Variants in ADGRV1 observed in about 807,000 individuals in gnomAD.
The protein encoded by ADGRV1 is G-protein coupled receptor 98.
Under a neutral mutation model 596.2 loss-of-function variants are expected in ADGRV1, and 359 were observed. That is an observed-to-expected ratio of 0.60 (90% CI 0.55 to 0.66). The LOEUF is 0.66. Among genes scored for constraint, ADGRV1 ranks in the 30% least tolerant of loss-of-function variants. The pLI is 0.00. For synonymous variants in ADGRV1, 2,681 were observed against 2,679.2 expected, an observed-to-expected ratio of 1.00 and a Z score of -0.02; for missense variants, 7,274 against 7,575.6, an observed-to-expected ratio of 0.96 and a Z score of 1.48.
rs1795216017 is a variant in ADGRV1 at position 91,142,923 on chromosome 5, G to A, written c.18433-7107G>A. 2.0e-5 allele frequency among the ~76,000 whole-genome samples: 3 copies of A among 152,338 alleles called. 1 individual carries two copies. The South Asian group carries it at 6.2e-4, about 32-fold the overall frequency. ...TGCCTGAGTTTTGCTCAGGCCCACT[G>A]GGCCTGCTCAGCCTGGCAGACTACG... On this transcript the variant is annotated intron_variant, in intron 87 of 89. Coordinates refer to ENST00000405460, the MANE Select transcript of ADGRV1 (RefSeq NM_032119.4).
chr5:90,963,964 A>G lies in ADGRV1; in HGVS notation c.17857-1451A>G, dbSNP rs543713777. On this transcript the variant is annotated intron_variant, in intron 83 of 89. Coordinates refer to ENST00000405460, the MANE Select transcript of ADGRV1 (RefSeq NM_032119.4). ...TAAATTAGCATGTTGGGTCTTATGTAATTGACTGAGGAATCAGGTTAAGGT... is the reference window on the plus strand; with the variant it reads ...TAAATTAGCATGTTGGGTCTTATGTGATTGACTGAGGAATCAGGTTAAGGT... 1.1e-4 allele frequency among the ~76,000 whole-genome samples: 17 copies of G among 151,978 alleles called. No homozygotes were observed. The South Asian group carries it at 3.5e-3, about 32-fold the overall frequency.
intron 1 of ADGRV1, among the ~76,000 whole-genome samples, chr5:90,573,973 T>C (rs1289916672): frequency 6.6e-6 from 1 of 151,794 alleles, no homozygotes; most frequent in East Asian, 1.9e-4. Context: ...TATGCAGCTT[T>C]ATTTCTATTC....
At chr5:90,715,698 G>T (rs1318200093) in intron 42 of ADGRV1, among the ~76,000 whole-genome samples, 1 of 150,612 alleles carries the variant, frequency 6.6e-6, no homozygotes, top group African/African-American at 2.4e-5. Flanking sequence ...TATTATAATA[G>T]TCTTTAAGAA....
At chr5:91,045,725 G>C (rs552744535) in intron 85 of ADGRV1, among the ~76,000 whole-genome samples, 1 of 152,156 alleles carries the variant, frequency 6.6e-6, no homozygotes, top group East Asian at 1.9e-4. Flanking sequence ...TAAAGAGGAG[G>C]TCAAACTGTT....
intron 85 of ADGRV1, among the ~76,000 whole-genome samples, chr5:91,066,903 A>G (rs1787930493): frequency 6.6e-6 from 1 of 152,246 alleles, no homozygotes; most frequent in Non-Finnish European, 1.5e-5. Flanking sequence ...GAGAACAGGC[A>G]TGCTGTGGGA....
rs1784853319 is a variant in ADGRV1, at chr5:91,035,864, T to TATATATATA, written c.18153-36582_18153-36574dup. Among the ~76,000 whole-genome samples the TATATATATA allele has an allele frequency of 1.9e-3, 128 of 68,254 alleles. 2 individuals carry two copies. The highest frequency in any genetic ancestry group is 5.8e-3 in the Admixed American group (44 of 7,570). The allele number at this position is 68,254 out of a possible 152,430, so 44.8% of individuals were successfully genotyped here. On this transcript the variant is annotated intron_variant, in intron 85 of 89. Coordinates refer to ENST00000405460, the MANE Select transcript of ADGRV1 (RefSeq NM_032119.4). ...AGTGTGTATATATATATATATATTA[T>TATATATATA]ATATATATATATATATATCTTACAA...
chr5:90,943,294 A>G (rs1270573116), intron 83 of ADGRV1, among the ~76,000 whole-genome samples: 2 of 152,108 alleles, frequency 1.3e-5, no homozygotes, highest in African/African-American at 4.8e-5. Flanking sequence ...TGTAGTGAGA[A>G]AAGCTTTAAC....
chr5:90,878,357 T>C (rs925240296), intron 83 of ADGRV1, among the ~76,000 whole-genome samples: 6 of 152,230 alleles, frequency 3.9e-5, no homozygotes, highest in African/African-American at 1.4e-4. Context: ...TGGAGGCCTC[T>C]CTTCCAGCTG....
At chr5:90,921,801 T>G (rs545000123) in intron 83 of ADGRV1, among the ~76,000 whole-genome samples, 8 of 148,428 alleles carry the variant, frequency 5.4e-5, no homozygotes, top group Admixed American at 2.6e-4. Flanking sequence ...GTCTTGTTTT[T>G]TTTTTTTTTT....
chr5:90,706,359 G>A lies in ADGRV1; in HGVS notation c.8695G>A (p.Glu2899Lys). ...TGGCTTTCTGATTTTAGAAGAAGGG[G>A]AAACAGCAGCAGCCATCAACATTAC... Reference protein sequence around the residue: ...IIGFLILEEGETAAAINITIL... With the variant: ...IIGFLILEEGKTAAAINITIL... The change falls in exon 38 of 90, where the codon GAA becomes AAA. Residue 2899 changes from glutamate (E) to lysine (K), a missense_variant. Around this residue, in one of 5 missense-constraint regions of ADGRV1, gnomAD observed 3,643 missense variants for 3,809.2 expected, o/e 0.96. Coordinates refer to ENST00000405460, the MANE Select transcript of ADGRV1 (RefSeq NM_032119.4). 1.9e-6 allele frequency: 3 copies of A among 1,611,588 alleles called. No homozygotes were observed. The highest frequency in any genetic ancestry group is 1.7e-6 in the Non-Finnish European group (2 of 1,178,900).
At chr5:91,028,249 C>T (rs1784183034) in intron 85 of ADGRV1, among the ~76,000 whole-genome samples, 2 of 151,966 alleles carry the variant, frequency 1.3e-5, no homozygotes, top group African/African-American at 4.8e-5. Context: ...CCACTATTCC[C>T]TCTTCTCCCT....
intron 73 of ADGRV1, among the ~76,000 whole-genome samples, chr5:90,809,293 TACACACACAC>T (rs60659185): frequency 1.5e-5 from 2 of 134,534 alleles, no homozygotes; most frequent in South Asian, 2.5e-4. Flanking sequence ...CGGGCATAAA[TACACACACAC>T]ACACACACAC....
intron 85 of ADGRV1, among the ~76,000 whole-genome samples, chr5:91,063,303 C>T (rs963508633): frequency 2.0e-5 from 3 of 152,080 alleles, no homozygotes; most frequent in Admixed American, 6.6e-5. Flanking sequence ...TCCAAGAATG[C>T]CTGGCAGCGG....
intron 1 of ADGRV1, among the ~76,000 whole-genome samples, chr5:90,598,933 A>G (rs1301660319): frequency 6.6e-6 from 1 of 152,138 alleles, no homozygotes; most frequent in Non-Finnish European, 1.5e-5. Context: ...ATCTAACCCT[A>G]TTATCCCTCC....
Position 90,783,962 on chromosome 5 carries a change from C to T in ADGRV1, c.13558C>T (p.Leu4520Phe), listed in dbSNP as rs1470757641. 6.2e-7 allele frequency: 1 copy of T among 1,612,396 alleles called. No individual in the cohort carries two copies. The highest frequency in any genetic ancestry group is 1.3e-5 in the African/African-American group (1 of 75,028). ...SDSPFGVIRF[L>F]NQSKISIANP... ...CTCTCCCTTTGGAGTTATAAGGTTT[C>T]TCAATCAAAGCAAAATTTCTATTGC... Residue 4520 changes from leucine to phenylalanine, a missense_variant, in exon 67 of 90, where the codon CTC (leucine) becomes TTC (phenylalanine). Around this residue, in one of 5 missense-constraint regions of ADGRV1, gnomAD observed 3,643 missense variants for 3,809.2 expected, o/e 0.96. Transcript: ENST00000405460.
At chr5:90,703,540 A>G in intron 34 of ADGRV1, 125 bp from the exon 35 acceptor site, 2 of 624,396 alleles carry the variant, frequency 3.2e-6, no homozygotes, top group Non-Finnish European at 5.3e-6. Context: ...AAAACAAAAC[A>G]GCTTTGTAAT....
chr5:91,030,961 A>C, intron 85 of ADGRV1: 1 of 1,190,324 alleles, frequency 8.4e-7, no homozygotes, highest in Middle Eastern at 2.9e-4. Flanking sequence ...TTTTGTAATC[A>C]AAGGAAAAAA....
chr5:90,641,902 A>C (rs11955749), intron 11 of ADGRV1, among the ~76,000 whole-genome samples: 27,538 of 152,054 alleles, frequency 0.18, 2,691 homozygotes, highest in East Asian at 0.4. Context: ...TAAAACCAGA[A>C]ATTTAAAAAA....
chr5:90,886,832 C>A (rs1770339318), intron 83 of ADGRV1, among the ~76,000 whole-genome samples: 1 of 152,196 alleles, frequency 6.6e-6, no homozygotes, highest in African/African-American at 2.4e-5. Flanking sequence ...ATTCAGCTTA[C>A]CAGCAAGACT....
Sources: allele counts gnomAD v4.1 joint callset (sites outside exome capture counted in the v4.1 genomes callset), GRCh38; gene constraint gnomAD v4.1.1; regional missense constraint gnomAD v4.1.1; transcripts MANE v1.5; gene names NCBI Gene and HGNC (gene_info 2026-07-23, HGNC 2026-07-21).